Variants in SRRT observed in about 807,000 individuals in gnomAD.
SRRT encodes serrate RNA effector molecule homolog.
Under a neutral mutation model 103.2 loss-of-function variants are expected in SRRT, and 32 were observed. That is an observed-to-expected ratio of 0.31 (90% CI 0.23 to 0.42). SRRT has a LOEUF of 0.42. Ranked by LOEUF, SRRT falls within the 10% of genes least tolerant of loss-of-function variation. The probability of loss-of-function intolerance (pLI) is 1.00; values close to 1 mark genes in which losing one functional copy is unlikely to be tolerated. For synonymous variants in SRRT, 525 were observed against 449.0 expected (o/e 1.17, Z -2.14); for missense variants, 986 against 1,207.5 (o/e 0.82, Z 2.72).
At position 100,882,083 on chromosome 7, in the gene SRRT, T is replaced by G; in HGVS notation, c.429T>G (p.Gly143=). The G allele has an allele frequency of 6.2e-7, 1 of 1,613,884 alleles. No individual in the cohort carries two copies. Among genetic ancestry groups the G allele is most frequent in the Non-Finnish European group, 8.5e-7 (1 of 1,179,930 alleles). Reference sequence around the variant, plus strand: ...GCAGCATTGCAGAGATTGACCTGGGTGTGCCGCCGCCCGTGATGAAGACCT... The same window carrying G: ...GCAGCATTGCAGAGATTGACCTGGGGGTGCCGCCGCCCGTGATGAAGACCT... ...RLGSIAEIDL[G]VPPPVMKTFK... is the part of the protein sequence containing the mutation. The change falls in exon 5 of 20, where the codon GGT becomes GGG. Residue 143 remains glycine, a synonymous_variant. Coordinates refer to ENST00000611405, the MANE Select transcript of SRRT (RefSeq NM_015908.6). The surrounding 1 kb of genome is among the most constrained non-coding windows in gnomAD (Gnocchi z 4.2).
chr7:100,887,826 A>G lies in SRRT; in HGVS notation c.2293A>G (p.Ile765Val). The G allele has an allele frequency of 6.2e-7, 1 of 1,610,446 alleles. No homozygotes were observed. Among genetic ancestry groups the G allele is most frequent in the Non-Finnish European group, 8.5e-7 (1 of 1,176,926 alleles). Residue 765 changes from isoleucine (I) to valine (V), a missense_variant, in exon 17 of 20, where the codon ATC (isoleucine) becomes GTC (valine). Transcript: ENST00000611405. The surrounding 1 kb of genome is among the most constrained non-coding windows in gnomAD (Gnocchi z 4.1). ...TDAKRPALPEIKPAQPPGPAQ... is the reference protein window; with the variant it reads ...TDAKRPALPEVKPAQPPGPAQ... ...TGCTAAGCGCCCAGCTCTGCCTGAG[A>G]TCAAGCCAGCCCAGCCACCTGGCCC...
At chr7:100,883,595 C>G (rs1188312263) in intron 5 of SRRT, among the ~76,000 whole-genome samples, 1 of 152,204 alleles carries the variant, frequency 6.6e-6, no homozygotes, top group Non-Finnish European at 1.5e-5. Flanking sequence ...CTTTTGCTAT[C>G]TGGCCCTCTG....
chr7:100,887,919 G>C lies in SRRT; in HGVS notation c.2326+60G>C, dbSNP rs1790303232. 3 of 1,563,104 alleles carry C rather than the reference G, an allele frequency of 1.9e-6. No homozygotes were observed. Among genetic ancestry groups the C allele is most frequent in the African/African-American group, 2.7e-5 (2 of 73,026 alleles). On this transcript the variant is annotated intron_variant, in intron 17 of 19. Coordinates refer to ENST00000611405, the MANE Select transcript of SRRT (RefSeq NM_015908.6). This position sits in a 1 kb window ranked among gnomAD's most constrained non-coding sequence, Gnocchi z 4.1. The stretch of plus-strand genomic sequence containing the variant: ...CTTCCTTGACTACCCAGGGACTCCT[G>C]TTTCTCTTTAACGTGTCACCCCGAG...
rs1343448557 is a variant in SRRT, at chr7:100,888,325, C to A, written c.2497C>A (p.Arg833=). The change falls in exon 19 of 20, where the codon CGA becomes AGA. Residue 833 remains arginine, a synonymous_variant. Coordinates refer to ENST00000611405, the MANE Select transcript of SRRT (RefSeq NM_015908.6). ...PYPHAPYGAG[R]GNYDAFRGQG... is the part of the protein sequence containing the mutation. ...CCCCCATGCCCCGTATGGTGCTGGT[C>A]GAGGGAACTATGATGCCTTCCGAGG... is the stretch of plus-strand genomic sequence containing the variant. 1.9e-6 allele frequency: 3 copies of A among 1,614,064 alleles called. No individual in the cohort carries two copies. Among genetic ancestry groups the A allele is most frequent in the Non-Finnish European group, 2.5e-6 (3 of 1,179,968 alleles).
chr7:100,880,523 T>C (rs1323046672), intron 2 of SRRT, among the ~76,000 whole-genome samples: 1 of 152,148 alleles, frequency 6.6e-6, no homozygotes, highest in Non-Finnish European at 1.5e-5. Context: ...GCCAGGATGG[T>C]CTCGATCTCC....
Position 100,875,409 on chromosome 7 carries a change from C to T in SRRT, c.-19+81C>T, listed in dbSNP as rs568726835. On this transcript the variant is annotated intron_variant, in intron 1 of 19. Transcript: ENST00000611405. ...CCACGGGGGCGGGCGCGGAGAAACT[C>T]GGGGCGAGTGGAGGTGTTGGAGCCG... 20 of 1,411,980 alleles carry T rather than the reference C, an allele frequency of 1.4e-5. No homozygotes were observed. The African/African-American group carries it at 2.9e-4, about 20-fold the overall frequency. 87.5% of individuals were successfully genotyped at this position (1,411,980 alleles called of 1,614,324 possible). A position where few individuals can be genotyped will look rare whatever the true frequency, so the allele number is the denominator to read the frequency against.
rs1424528904 is a variant in SRRT, at chr7:100,884,472, G to T, written c.862G>T (p.Glu288Ter). 6.2e-7 allele frequency: 1 copy of T among 1,613,884 alleles called. No homozygotes were observed. Among genetic ancestry groups the T allele is most frequent in the Non-Finnish European group, 8.5e-7 (1 of 1,179,988 alleles). ...GKPGEPSKKE[E>*]GRAGAGLGDG... ...GCCTGGGGAGCCCAGCAAGAAAGAA[G>T]AAGGACGGGCTGGAGCAGGCCTAGG... is the stretch of plus-strand genomic sequence containing the variant. The change falls in exon 7 of 20, where the codon GAA becomes TAA. Residue 288 changes from glutamate (E) to a stop codon, truncating the protein, a stop_gained. Coordinates refer to ENST00000611405, the MANE Select transcript of SRRT (RefSeq NM_015908.6). LOFTEE classifies it high-confidence loss of function.
rs1271382437 is a variant in SRRT at position 100,875,690 on chromosome 7, CG to C, written c.101del (p.Arg34GlnfsTer47). 6.2e-7 allele frequency: 1 copy of C among 1,614,008 alleles called. No homozygotes were observed. The highest frequency in any genetic ancestry group is 1.3e-5 in the African/African-American group (1 of 75,054). On this transcript the variant is annotated frameshift_variant, in exon 2 of 20. Coordinates refer to ENST00000611405, the MANE Select transcript of SRRT (RefSeq NM_015908.6). LOFTEE classifies it high-confidence loss of function. ...DRSRERDERRRGDDWNDREWD... is the reference protein window; with the variant it reads ...DRSRERDERRXGDDWNDREWD... ...TTCCCGCGAGAGAGATGAAAGACGT[CG>C]AGGGGACGATTGGAATGACAGGTGA...
Position 100,885,954 on chromosome 7 carries a change from G to C in SRRT, c.1458+13G>C. On this transcript the variant is annotated intron_variant, in intron 12 of 19. Coordinates refer to ENST00000611405, the MANE Select transcript of SRRT (RefSeq NM_015908.6). The surrounding 1 kb of genome is among the most constrained non-coding windows in gnomAD (Gnocchi z 4.8). ...GCAGAACATCCGTGTGAGTGCTGGG[G>C]GTGGGACTGTGGGGAAGAGGAAGGG... 1 of 1,613,558 alleles carries C rather than the reference G, an allele frequency of 6.2e-7. No individual in the cohort carries two copies. The highest frequency in any genetic ancestry group is 2.2e-5 in the East Asian group (1 of 44,870).
Position 100,878,042 on chromosome 7 carries a change from T to C in SRRT, c.122+2330T>C, listed in dbSNP as rs139953346. 6.8e-4 allele frequency among the ~76,000 whole-genome samples: 103 copies of C among 152,320 alleles called. 2 individuals carry two copies. The East Asian group carries it at 0.019, about 28-fold the overall frequency. ...AAATTAAAATTTTGGGCCGGCGCAGTGGCTCATGCCTGTAATCCCAACACT... is the reference window on the plus strand; with the variant it reads ...AAATTAAAATTTTGGGCCGGCGCAGCGGCTCATGCCTGTAATCCCAACACT... On this transcript the variant is annotated intron_variant, in intron 2 of 19. Transcript: ENST00000611405.
intron 18 of SRRT, 27 bp downstream of exon 18, chr7:100,888,170 C>T (rs1409890121): frequency 6.2e-7 from 1 of 1,602,656 alleles, no homozygotes; most frequent in African/African-American, 1.3e-5. Flanking sequence ...GATGAAGGGG[C>T]TTGGTGAGTG....
intron 2 of SRRT, 166 bp downstream of exon 2, chr7:100,875,878 C>G: frequency 1.3e-6 from 1 of 790,458 alleles, no homozygotes; most frequent in Non-Finnish European, 2.0e-6. Flanking sequence ...AAATAACTAG[C>G]TGTGGCTTGG....
At position 100,888,595 on chromosome 7, in the gene SRRT, C is replaced by G. The variant is rs368720237; in HGVS notation, c.*46C>G. ...CCTGTATCATCCATACTTGTACTAC[C>G]TTGTCCTATGAAGCTCTGAGAATTT... is the stretch of plus-strand genomic sequence containing the variant. On this transcript the variant is annotated 3_prime_UTR_variant, in exon 20 of 20. Coordinates refer to ENST00000611405, the MANE Select transcript of SRRT (RefSeq NM_015908.6). 4 of 1,609,812 alleles carry G rather than the reference C, an allele frequency of 2.5e-6. No homozygotes were observed. The highest frequency in any genetic ancestry group is 2.7e-5 in the African/African-American group (2 of 74,826).
In SRRT at chr7:100,878,596, A is replaced by G. The variant is rs560527633; in HGVS notation, c.123-2689A>G. 7.2e-5 allele frequency among the ~76,000 whole-genome samples: 11 copies of G among 152,362 alleles called. No individual in the cohort carries two copies. The South Asian group carries it at 1.9e-3, about 26-fold the overall frequency. ...ACAAGGTAGCATAAAGAAAAGAAAA[A>G]AAAGAACCTACCTCTTGTTGAATTT... On this transcript the variant is annotated intron_variant, in intron 2 of 19. Transcript: ENST00000611405.
In SRRT at chr7:100,884,834, A is replaced by T. The variant is rs1789930793; in HGVS notation, c.1037A>T (p.Lys346Ile). ...AAAGAAGACTCCGAGAAGGAAGCCAAAAAGGTGAGGTGTCTGTGGCCTGGG... is the reference window on the plus strand; with the variant it reads ...AAAGAAGACTCCGAGAAGGAAGCCATAAAGGTGAGGTGTCTGTGGCCTGGG... Reference protein sequence around the residue: ...EKKEDSEKEAKKSSKKRNRKH... With the variant: ...EKKEDSEKEAIKSSKKRNRKH... Residue 346 changes from lysine (K) to isoleucine (I), a missense_variant, in exon 8 of 20, where the codon AAA becomes ATA. By Grantham distance (102) the Lys-to-Ile change is moderately radical. This residue lies in a region of SRRT where 166 missense variants were observed against 148.6 expected (regional missense o/e 1.12). Transcript: ENST00000611405. 1.2e-6 allele frequency: 2 copies of T among 1,613,788 alleles called. No individual in the cohort carries two copies. The highest frequency in any genetic ancestry group is 2.7e-5 in the African/African-American group (2 of 74,832).
rs138346691 is a variant in SRRT at position 100,885,009 on chromosome 7, C to T, written c.1128C>T (p.Ser376=). Residue 376 remains serine (S), a synonymous_variant, in exon 9 of 20, where the codon AGC becomes AGT. Coordinates refer to ENST00000611405, the MANE Select transcript of SRRT (RefSeq NM_015908.6). This position sits in a 1 kb window ranked among gnomAD's most constrained non-coding sequence, Gnocchi z 4.8. ...CAGAGTCTGAGTCGGAGTCAGAGAG[C>T]GGCCAGGCTGAGGAGGAGAAGGAGG... ...SVSESESESE[S]GQAEEEKEEA... 2.4e-5 allele frequency: 39 copies of T among 1,613,760 alleles called. No individual in the cohort carries two copies. Among genetic ancestry groups the T allele is most frequent in the African/African-American group, 4.0e-5 (3 of 74,816 alleles).
At chr7:100,888,420 G>A in intron 19 of SRRT, 37 bp downstream of exon 19, 1 of 1,612,644 alleles carries the variant, frequency 6.2e-7, no homozygotes, top group Non-Finnish European at 8.5e-7. Flanking sequence ...GTTGCCGCCT[G>A]CAGACTCCCT....
At position 100,881,789 on chromosome 7, in the gene SRRT, C is replaced by T. The variant is rs1271562338; in HGVS notation, c.382C>T (p.Leu128=). 1 of 1,610,606 alleles carries T rather than the reference C, an allele frequency of 6.2e-7. No homozygotes were observed. Among genetic ancestry groups the T allele is most frequent in the Admixed American group, 1.7e-5 (1 of 59,612 alleles). ...PDVHIMQHHV[L]PIQARLGSIA... ...CGTCCACATCATGCAGCACCATGTC[C>T]TGCCTATCCAGGCCAGGTAAGGGTG... The change falls in exon 4 of 20, where the codon CTG becomes TTG. Residue 128 remains leucine (L), a synonymous_variant. Transcript: ENST00000611405.
In SRRT at chr7:100,888,373, C is replaced by T. The variant is rs1790389215; in HGVS notation, c.2545C>T (p.Pro849Ser). The T allele has an allele frequency of 1.2e-6, 2 of 1,613,904 alleles. No individual in the cohort carries two copies. Among genetic ancestry groups the T allele is most frequent in the South Asian group, 1.1e-5 (1 of 91,072 alleles). Residue 849 changes from proline to serine, a missense_variant, in exon 19 of 20, where the codon CCT (proline) becomes TCT (serine). Pro to Ser is a moderately conservative substitution (Grantham distance 74, BLOSUM62 -1). Transcript: ENST00000611405. ...AGGCCAGGGAGGTTATCCTGGGAAA[C>T]CTCGCAACAGGTGAGGAGGGCAGAC... ...FRGQGGYPGK[P>S]RNRMVRGDPR... is the part of the protein sequence containing the mutation.
Sources: allele counts gnomAD v4.1 joint callset (sites outside exome capture counted in the v4.1 genomes callset), GRCh38; gene constraint gnomAD v4.1.1; regional missense constraint gnomAD v4.1.1; non-coding constraint Gnocchi (gnomAD v3.1); transcripts MANE v1.5; gene names NCBI Gene and HGNC (gene_info 2026-07-23, HGNC 2026-07-21).